Variants in SERGEF observed in about 807,000 individuals in gnomAD.
SERGEF encodes secretion-regulating guanine nucleotide exchange factor.
Under a neutral mutation model 50.0 loss-of-function variants are expected in SERGEF, and 51 were observed. That is an observed-to-expected ratio of 1.02 (90% CI 0.81 to 1.29). The LOEUF (loss-of-function observed/expected upper bound fraction) is 1.29, where lower values mean the gene tolerates loss of function less well. SERGEF is among the 50% of genes most tolerant of loss of function. SERGEF has a pLI of 0.00. For synonymous variants in SERGEF, 205 were observed against 212.4 expected, an observed-to-expected ratio of 0.97 and a Z score of 0.30; for missense variants, 521 against 557.0, an observed-to-expected ratio of 0.94 and a Z score of 0.65.
In SERGEF at chr11:17,959,495, G is replaced by A. The variant is rs566962135; in HGVS notation, c.986C>T (p.Pro329Leu). ...CTCAGTTGCTCCAGTTAAGCAATGC[G>A]GAGACGAAGGCATGCTGTTCGGTGG... ...SRPPNSMPSSPHCLTGATEVS... is the reference protein window; with the variant it reads ...SRPPNSMPSSLHCLTGATEVS... Residue 329 changes from proline to leucine, a missense_variant, in exon 9 of 11, where the codon CCG becomes CTG. By Grantham distance (98) the Pro-to-Leu change is moderately conservative. Transcript: ENST00000265965. 1.4e-5 allele frequency: 23 copies of A among 1,613,928 alleles called. No individual in the cohort carries two copies. Among genetic ancestry groups the A allele is most frequent in the South Asian group, 9.9e-5 (9 of 91,024 alleles).
intron 8 of SERGEF, among the ~76,000 whole-genome samples, chr11:17,974,904 T>C (rs1853336243): frequency 6.6e-6 from 1 of 152,206 alleles, no homozygotes; most frequent in Non-Finnish European, 1.5e-5. Context: ...TGGAGAGAAG[T>C]GGTGAATAGA....
At chr11:17,931,493 T>C (rs1852351601) in intron 9 of SERGEF, among the ~76,000 whole-genome samples, 1 of 152,154 alleles carries the variant, frequency 6.6e-6, no homozygotes, top group Non-Finnish European at 1.5e-5. Flanking sequence ...ATTCACTAAA[T>C]GCCATTTAAT....
intron 9 of SERGEF, among the ~76,000 whole-genome samples, chr11:17,915,257 T>C (rs1178447188): frequency 2.6e-5 from 4 of 152,208 alleles, no homozygotes; most frequent in African/African-American, 7.2e-5. Context: ...TGAATACATA[T>C]TGGCTGAGTG....
intron 9 of SERGEF, among the ~76,000 whole-genome samples, chr11:17,933,557 A>G (rs1852393356): frequency 6.6e-6 from 1 of 152,186 alleles, no homozygotes. Flanking sequence ...ATATAAAATT[A>G]AACAATAATA....
chr11:17,962,891 TCAAAAGGCGGCCAGG>T (rs1442193353), intron 8 of SERGEF, among the ~76,000 whole-genome samples: 2 of 151,538 alleles, frequency 1.3e-5, no homozygotes, highest in African/African-American at 4.8e-5. Flanking sequence ...GATACGAAAA[TCAAAAGGCGGCCAGG>T]CACAGTGGCT....
intron 10 of SERGEF, among the ~76,000 whole-genome samples, chr11:17,807,255 G>A (rs1332539115): frequency 1.3e-5 from 2 of 152,104 alleles, no homozygotes; most frequent in South Asian, 2.1e-4. Flanking sequence ...ACCAAGGTTC[G>A]GAATGCTTTA....
chr11:17,850,705 C>T (rs1383666135), intron 10 of SERGEF, among the ~76,000 whole-genome samples: 1 of 152,186 alleles, frequency 6.6e-6, no homozygotes, highest in African/African-American at 2.4e-5. Flanking sequence ...TCTTGGAGTA[C>T]TCTGGTAATC....
chr11:17,907,360 C>T (rs1053832601), intron 9 of SERGEF, among the ~76,000 whole-genome samples: 9 of 152,170 alleles, frequency 5.9e-5, no homozygotes, highest in Non-Finnish European at 1.2e-4. Context: ...CCTTCTGATG[C>T]TAATGCTCTA....
At chr11:17,838,036 T>C (rs1024579685) in intron 10 of SERGEF, among the ~76,000 whole-genome samples, 11 of 152,144 alleles carry the variant, frequency 7.2e-5, no homozygotes, top group African/African-American at 2.2e-4. Context: ...TAGACGAAGA[T>C]AGTAACCTTC....
chr11:17,911,399 A>G (rs1211763037), intron 9 of SERGEF, among the ~76,000 whole-genome samples: 2 of 148,196 alleles, frequency 1.3e-5, no homozygotes, highest in Non-Finnish European at 3.0e-5. Flanking sequence ...ACACACATAT[A>G]TATACACACA....
At chr11:17,846,751 T>C (rs930188229) in intron 10 of SERGEF, 4 of 456,148 alleles carry the variant, frequency 8.8e-6, no homozygotes, top group Non-Finnish European at 1.8e-5. Flanking sequence ...AATACTTACC[T>C]TGCAGAGATA....
rs115601012 is a variant in SERGEF at position 17,818,094 on chromosome 11, A to G, written c.1049-29681T>C. On this transcript the variant is annotated intron_variant, in intron 10 of 10. Transcript: ENST00000265965. ...ATGACCACGTGTACACTTCTTTGTT[A>G]GAGTTCATGGACACTATACAGTTAC... Among the ~76,000 whole-genome samples the G allele has an allele frequency of 5.2e-3, 798 of 152,300 alleles. 2 individuals are homozygous for G. The highest frequency in any genetic ancestry group is 0.016 in the African/African-American group (651 of 41,550).
intron 9 of SERGEF, among the ~76,000 whole-genome samples, chr11:17,954,504 A>C (rs1345007315): frequency 6.6e-6 from 1 of 152,146 alleles, no homozygotes; most frequent in Non-Finnish European, 1.5e-5. Flanking sequence ...GTGACTCTGC[A>C]AACTAAAAAT....
At chr11:17,989,173 A>C (rs1160336155) in intron 7 of SERGEF, among the ~76,000 whole-genome samples, 1 of 152,260 alleles carries the variant, frequency 6.6e-6, no homozygotes, top group African/African-American at 2.4e-5. Flanking sequence ...TTTAAGCTTA[A>C]ATTTTTTAAA....
At chr11:17,944,807 C>G (rs1403050070) in intron 9 of SERGEF, among the ~76,000 whole-genome samples, 1 of 152,212 alleles carries the variant, frequency 6.6e-6, no homozygotes, top group Non-Finnish European at 1.5e-5. Flanking sequence ...AGCCTCATAA[C>G]ATTTCATAAA....
intron 8 of SERGEF, among the ~76,000 whole-genome samples, chr11:17,962,883 T>C (rs1853037428): frequency 6.6e-6 from 1 of 151,780 alleles, no homozygotes; most frequent in Non-Finnish European, 1.5e-5. Context: ...TGAGCAAAGA[T>C]ACGAAAATCA....
chr11:17,855,568 A>G (rs1850802743), intron 10 of SERGEF: 1 of 152,228 alleles, frequency 6.6e-6, no homozygotes, highest in Non-Finnish European at 1.5e-5. Context: ...CACTGGACAA[A>G]GAGATGATTC....
chr11:17,926,740 T>C (rs1332668155), intron 9 of SERGEF: 1 of 456,138 alleles, frequency 2.2e-6, no homozygotes. Context: ...AGTCCTACCT[T>C]GCTATTACTC....
intron 9 of SERGEF, among the ~76,000 whole-genome samples, chr11:17,879,526 C>T (rs1377252289): frequency 2.0e-5 from 3 of 152,174 alleles, no homozygotes; most frequent in East Asian, 1.9e-4. Flanking sequence ...ACTAGAGCCA[C>T]CATTCTATCC....
Sources: gnomAD v4.1 joint callset for allele counts (sites outside exome capture counted in the v4.1 genomes callset) on GRCh38, gnomAD v4.1.1 for gene constraint, MANE v1.5 for transcripts, NCBI Gene and HGNC (gene_info 2026-07-23, HGNC 2026-07-21) for gene names.